CIT: variants seen among roughly 807,000 people sequenced by gnomAD.
The protein encoded by CIT is citron Rho-interacting kinase.
In CIT, 79 loss-of-function variants were observed where a neutral mutation model predicts 272.7. The ratio of observed to expected loss-of-function variants is 0.29; its 90% CI spans 0.24 to 0.35. The LOEUF is 0.35. CIT is among the 10% of genes least tolerant of loss of function. The pLI is 1.00. For synonymous variants in CIT, 948 were observed against 995.6 expected, an observed-to-expected ratio of 0.95 and a Z score of 0.90; for missense variants, 1,909 against 2,618.3, an observed-to-expected ratio of 0.73 and a Z score of 5.91.
At chr12:119,766,069 G>A (rs11064895) in intron 19 of CIT, among the ~76,000 whole-genome samples, 39,581 of 151,964 alleles carry the variant, frequency 0.26, 5,436 homozygotes, top group Middle Eastern at 0.35. Context: ...CCCTGTCAGC[G>A]GGGGTGGGGT....
rs1962935476 is a variant in CIT, at chr12:119,770,221, G to T, written c.2208+564C>A. On this transcript the variant is annotated intron_variant, in intron 18 of 47. Coordinates refer to ENST00000392521, the MANE Select transcript of CIT (RefSeq NM_001206999.2). The surrounding 1 kb of genome is among the most constrained non-coding windows in gnomAD (Gnocchi z 4.4). Reference sequence around the variant, plus strand: ...CTGAGACAGAATCAGGATGACTACAGACCCTAAAAAAAGACCTGCTATATC... The same window carrying T: ...CTGAGACAGAATCAGGATGACTACATACCCTAAAAAAAGACCTGCTATATC... Among the ~76,000 whole-genome samples the T allele has an allele frequency of 6.6e-6, 1 of 151,916 alleles. No homozygotes were observed.
chr12:119,696,866 C>T (rs1956252433), intron 46 of CIT, among the ~76,000 whole-genome samples: 1 of 152,180 alleles, frequency 6.6e-6, no homozygotes, highest in Non-Finnish European at 1.5e-5. Context: ...TCTGCATACT[C>T]TCCTGTACCT....
chr12:119,830,977 T>A (rs566415620), intron 7 of CIT, among the ~76,000 whole-genome samples: 5 of 152,230 alleles, frequency 3.3e-5, no homozygotes, highest in Non-Finnish European at 5.9e-5. Context: ...GCGATCCTAC[T>A]GTCTTGGCCT....
intron 7 of CIT, among the ~76,000 whole-genome samples, chr12:119,827,569 C>G (rs1968274573): frequency 1.3e-5 from 2 of 152,052 alleles, no homozygotes; most frequent in Non-Finnish European, 2.9e-5. Flanking sequence ...TCTCGAGTAA[C>G]TGCGACTACA....
intron 10 of CIT, among the ~76,000 whole-genome samples, chr12:119,801,384 A>C (rs1489190003): frequency 6.6e-6 from 1 of 152,200 alleles, no homozygotes; most frequent in East Asian, 1.9e-4. Flanking sequence ...AAACAGAAAG[A>C]TGTCGTTCAA....
intron 10 of CIT, among the ~76,000 whole-genome samples, chr12:119,801,830 G>A (rs1395982043): frequency 6.6e-6 from 1 of 152,184 alleles, no homozygotes; most frequent in Non-Finnish European, 1.5e-5. Flanking sequence ...GGGTTGTGGA[G>A]CAAATCAGAC....
intron 30 of CIT, among the ~76,000 whole-genome samples, chr12:119,720,268 A>G (rs1184920063): frequency 1.3e-5 from 2 of 152,246 alleles, no homozygotes; most frequent in African/African-American, 4.8e-5. Context: ...CATAAACAAA[A>G]AGTAGTTTGT....
At chr12:119,831,110 G>A (rs781140777) in intron 7 of CIT, among the ~76,000 whole-genome samples, 7 of 152,030 alleles carry the variant, frequency 4.6e-5, no homozygotes, top group Non-Finnish European at 8.8e-5. Context: ...CTCCCGCCTC[G>A]ACCTCCAAAC....
At position 119,822,903 on chromosome 12, in the gene CIT, C is replaced by A; in HGVS notation, c.1028G>T (p.Cys343Phe). 6.2e-7 allele frequency: 1 copy of A among 1,614,042 alleles called. No homozygotes were observed. Among genetic ancestry groups the A allele is most frequent in the South Asian group, 1.1e-5 (1 of 91,074 alleles). ...AAACTTCAGTCTCTCTTTCTGGCCG[C>A]ACAACAAGCTTTGAATCAGATCAAG... ...DFLDLIQSLL[C>F]GQKERLKFEG... is the part of the protein sequence containing the mutation. Residue 343 changes from cysteine (C) to phenylalanine (F), a missense_variant, in exon 9 of 48, where the codon TGC becomes TTC. By Grantham distance (205) the Cys-to-Phe change is radical (BLOSUM62 -2). This residue lies in a region of CIT where 529 missense variants were observed against 549.6 expected (regional missense o/e 0.96). Coordinates refer to ENST00000392521, the MANE Select transcript of CIT (RefSeq NM_001206999.2).
chr12:119,797,897 A>C (rs1366074991), intron 10 of CIT, among the ~76,000 whole-genome samples: 1 of 152,248 alleles, frequency 6.6e-6, no homozygotes, highest in African/African-American at 2.4e-5. Flanking sequence ...AGTCATCAAC[A>C]AAATGAGAGT....
At chr12:119,708,054 A>C in intron 40 of CIT, 125 bp downstream of exon 40, 2 of 1,056,756 alleles carry the variant, frequency 1.9e-6, no homozygotes, top group Non-Finnish European at 2.6e-6. Flanking sequence ...CTTTCAAGAG[A>C]GCCCCTCTCT....
Position 119,718,938 on chromosome 12 carries a change from G to T in CIT, c.3841-77C>A. Reference sequence around the variant, plus strand: ...ACTAGCTAAAGGAAATCTGACTCGGGAGGAGCAAACCACAAAAGCCAGGAG... The same window carrying T: ...ACTAGCTAAAGGAAATCTGACTCGGTAGGAGCAAACCACAAAAGCCAGGAG... On this transcript the variant is annotated intron_variant, in intron 30 of 47. Coordinates refer to ENST00000392521, the MANE Select transcript of CIT (RefSeq NM_001206999.2). The surrounding 1 kb of genome is among the most constrained non-coding windows in gnomAD (Gnocchi z 4.8). 2 of 1,480,490 alleles carry T rather than the reference G, an allele frequency of 1.4e-6. No homozygotes were observed. Among genetic ancestry groups the T allele is most frequent in the Non-Finnish European group, 1.9e-6 (2 of 1,072,608 alleles). The allele number at this position is 1,480,490 out of a possible 1,614,324, so 91.7% of individuals were successfully genotyped here.
rs201257961 is a variant in CIT, at chr12:119,809,437, G to GAT, written c.1112-6050_1112-6049dup. Among the ~76,000 whole-genome samples the GAT allele has an allele frequency of 8.6e-3, 1,315 of 152,164 alleles. 18 individuals are homozygous for GAT. Among genetic ancestry groups the GAT allele is most frequent in the African/African-American group, 0.024 (1,010 of 41,494 alleles). ...AGGAGACAGGTTTGAATTATTATGA[G>GAT]ATATATATATACATATATATAGGTT... On this transcript the variant is annotated intron_variant, in intron 9 of 47. Transcript: ENST00000392521.
intron 9 of CIT, among the ~76,000 whole-genome samples, chr12:119,821,821 A>T (rs1345266610): frequency 6.6e-6 from 1 of 152,218 alleles, no homozygotes; most frequent in Non-Finnish European, 1.5e-5. Context: ...AAAATAAAGC[A>T]ATGTGGCCAC....
intron 46 of CIT, among the ~76,000 whole-genome samples, chr12:119,693,941 A>T (rs1956088922): frequency 6.6e-6 from 1 of 152,236 alleles, no homozygotes; most frequent in Non-Finnish European, 1.5e-5. Flanking sequence ...TGTCGGGCAC[A>T]TGGTATGGAG....
chr12:119,799,070 A>G (rs914577941), intron 10 of CIT, among the ~76,000 whole-genome samples: 2 of 152,118 alleles, frequency 1.3e-5, no homozygotes, highest in African/African-American at 4.8e-5. Flanking sequence ...GCAACTGCAT[A>G]TTAACTCTTT....
chr12:119,825,540 T>TAAA (rs11286691), intron 7 of CIT, among the ~76,000 whole-genome samples, 172 bp from the exon 8 acceptor site: 3 of 144,364 alleles, frequency 2.1e-5, no homozygotes, highest in African/African-American at 5.2e-5. Flanking sequence ...TTTACTAATT[T>TAAA]AAAAAAAAAA....
chr12:119,705,031 G>C (rs1274253152), intron 40 of CIT, among the ~76,000 whole-genome samples: 1 of 152,124 alleles, frequency 6.6e-6, no homozygotes, highest in Non-Finnish European at 1.5e-5. Flanking sequence ...TCCCACCTCA[G>C]CCTCCCAAGT....
intron 3 of CIT, among the ~76,000 whole-genome samples, chr12:119,866,413 TG>T (rs1950516601): frequency 6.6e-6 from 1 of 152,186 alleles, no homozygotes; most frequent in South Asian, 2.1e-4. Context: ...CCGTCGAGGC[TG>T]TCCTGCTAGA....
Sources: gnomAD v4.1 joint callset for allele counts (sites outside exome capture counted in the v4.1 genomes callset) on GRCh38, gnomAD v4.1.1 for gene constraint, gnomAD v4.1.1 regional missense constraint, Gnocchi (gnomAD v3.1) non-coding constraint, MANE v1.5 for transcripts, NCBI Gene and HGNC (gene_info 2026-07-23, HGNC 2026-07-21) for gene names.